MFSD2A: variants seen among roughly 807,000 people sequenced by gnomAD.
MFSD2A encodes MFSD2 lysolipid transporter A, lysophospholipid.
Under a neutral mutation model 64.7 loss-of-function variants are expected in MFSD2A, and 27 were observed. That is an observed-to-expected ratio of 0.42 (90% CI 0.31 to 0.58). The LOEUF (loss-of-function observed/expected upper bound fraction) is 0.58. Ranked by LOEUF, MFSD2A falls within the 20% of genes least tolerant of loss-of-function variation. The pLI is 0.18. For synonymous variants in MFSD2A, 258 were observed against 273.4 expected, an observed-to-expected ratio of 0.94 and a Z score of 0.55; for missense variants, 474 against 679.5, an observed-to-expected ratio of 0.70 and a Z score of 3.36.
At position 39,968,109 on chromosome 1, in the gene MFSD2A, A is replaced by C. The variant is rs1413437032; in HGVS notation, c.1208+193A>C. The stretch of plus-strand genomic sequence containing the variant: ...CAAGAACACCTAGTCAGAGTGAAAA[A>C]TGGGGGCTGTAATCTGGCCTGGGCT... On this transcript the variant is annotated intron_variant, in intron 11 of 13. Transcript: ENST00000372811. The surrounding 1 kb of genome is among the most constrained non-coding windows in gnomAD (Gnocchi z 4.4). 1.1e-5 allele frequency: 7 copies of C among 649,018 alleles called. No individual in the cohort carries two copies. In the East Asian group the frequency reaches 1.9e-4, roughly 18 times the overall value. The allele number at this position is 649,018 out of a possible 1,614,324, so 40.2% of individuals were successfully genotyped here.
chr1:39,957,227 T>C lies in MFSD2A; in HGVS notation c.228+6T>C. ...ACCTATTGGATGTGGCTCAGGTGAGTGGTCTAAGCCTTCGAGGGCTCCTTC... is the reference window on the plus strand; with the variant it reads ...ACCTATTGGATGTGGCTCAGGTGAGCGGTCTAAGCCTTCGAGGGCTCCTTC... On this transcript the variant is annotated splice_donor_region_variant and intron_variant, in intron 2 of 13. Coordinates refer to ENST00000372811, the MANE Select transcript of MFSD2A (RefSeq NM_032793.5). 6.3e-7 allele frequency: 1 copy of C among 1,577,584 alleles called. No homozygotes were observed. Among genetic ancestry groups the C allele is most frequent in the Non-Finnish European group, 8.6e-7 (1 of 1,161,270 alleles).
At chr1:39,967,200 C>A in intron 9 of MFSD2A, 31 bp downstream of exon 9, 1 of 1,595,786 alleles carries the variant, frequency 6.3e-7, no homozygotes, top group Non-Finnish European at 8.6e-7. Context: ...GGCGGGCAGC[C>A]TGGGCTGAGG....
chr1:39,958,749 G>A lies in MFSD2A; in HGVS notation c.277G>A (p.Asp93Asn). 1 of 1,614,100 alleles carries A rather than the reference G, an allele frequency of 6.2e-7. No homozygotes were observed. Among genetic ancestry groups the A allele is most frequent in the African/African-American group, 1.3e-5 (1 of 75,038 alleles). Residue 93 changes from aspartate (D) to asparagine (N), a missense_variant, in exon 3 of 14, where the codon GAT becomes AAT. By Grantham distance (23) the Asp-to-Asn change is conservative. Transcript: ENST00000372811. This position sits in a 1 kb window ranked among gnomAD's most constrained non-coding sequence, Gnocchi z 4.7. ...SIILFVGRAWDAITDPLVGLC... is the reference protein window; with the variant it reads ...SIILFVGRAWNAITDPLVGLC... The stretch of plus-strand genomic sequence containing the variant: ...CATCCTGTTTGTGGGCCGAGCCTGG[G>A]ATGCCATCACAGACCCCCTGGTGGG...
In MFSD2A at chr1:39,960,170, C is replaced by T. The variant is rs113636691; in HGVS notation, c.353+1345C>T. Among the ~76,000 whole-genome samples the T allele has an allele frequency of 7.9e-5, 12 of 152,350 alleles. No individual in the cohort carries two copies. The highest frequency in any genetic ancestry group is 1.9e-4 in the African/African-American group (8 of 41,582). On this transcript the variant is annotated intron_variant, in intron 3 of 13. Transcript: ENST00000372811. This position sits in a 1 kb window ranked among gnomAD's most constrained non-coding sequence, Gnocchi z 4.8. ...GGATCGGATCAGACGGCAGGGGAGA[C>T]GCACAGGATAGGCTGTCAGGCGGGG...
chr1:39,965,360 GTC>G lies in MFSD2A; in HGVS notation c.477+30_477+31del. 6.2e-7 allele frequency: 1 copy of G among 1,613,832 alleles called. No individual in the cohort carries two copies. The highest frequency in any genetic ancestry group is 8.5e-7 in the Non-Finnish European group (1 of 1,179,900). On this transcript the variant is annotated intron_variant, in intron 4 of 13. Transcript: ENST00000372811. This position sits in a 1 kb window ranked among gnomAD's most constrained non-coding sequence, Gnocchi z 5.5. ...GTGAGTGTGGGTACCTCCCTTGGGTGTCTCTAGGGGCCGGGAGGAGGGCGGTC... is the reference window on the plus strand; with the variant it reads ...GTGAGTGTGGGTACCTCCCTTGGGTGTCTAGGGGCCGGGAGGAGGGCGGTC...
Position 39,958,425 on chromosome 1 carries a change from G to T in MFSD2A, c.229-276G>T, listed in dbSNP as rs1644971913. 6.6e-6 allele frequency among the ~76,000 whole-genome samples: 1 copy of T among 152,160 alleles called. No homozygotes were observed. Among genetic ancestry groups the T allele is most frequent in the African/African-American group, 2.4e-5 (1 of 41,434 alleles). ...GAAGGAAATGTTTGTGGATTCATTTGAATTGATGGGAATGTTTTCAAGGGC... is the reference window on the plus strand; with the variant it reads ...GAAGGAAATGTTTGTGGATTCATTTTAATTGATGGGAATGTTTTCAAGGGC... On this transcript the variant is annotated intron_variant, in intron 2 of 13. Transcript: ENST00000372811. This position sits in a 1 kb window ranked among gnomAD's most constrained non-coding sequence, Gnocchi z 4.7.
rs144708707 is a variant in MFSD2A, at chr1:39,965,236, G to A, written c.379G>A (p.Val127Ile). The A allele has an allele frequency of 7.7e-5, 125 of 1,614,006 alleles. No homozygotes were observed. The highest frequency in any genetic ancestry group is 5.6e-4 in the African/African-American group (42 of 74,902). ...PWIIFSTPLA[V>I]IAYFLIWFVP... is the part of the protein sequence containing the mutation. Reference sequence around the variant, plus strand: ...GATCATCTTCTCCACGCCCCTGGCCGTCATTGCCTACTTCCTCATCTGGTT... The same window carrying A: ...GATCATCTTCTCCACGCCCCTGGCCATCATTGCCTACTTCCTCATCTGGTT... Residue 127 changes from valine (V) to isoleucine (I), a missense_variant, in exon 4 of 14, where the codon GTC (valine) becomes ATC (isoleucine). By Grantham distance (29) the Val-to-Ile change is conservative (BLOSUM62 3). Transcript: ENST00000372811. This position sits in a 1 kb window ranked among gnomAD's most constrained non-coding sequence, Gnocchi z 5.5.
Position 39,960,927 on chromosome 1 carries a change from G to A in MFSD2A, c.353+2102G>A, listed in dbSNP as rs1645025531. The stretch of plus-strand genomic sequence containing the variant: ...TGGTGGTGCCTGTGTATGCCTGCAC[G>A]CGGGATGGCTCGTGGGCTGAAGGCT... On this transcript the variant is annotated intron_variant, in intron 3 of 13. Coordinates refer to ENST00000372811, the MANE Select transcript of MFSD2A (RefSeq NM_032793.5). The surrounding 1 kb of genome is among the most constrained non-coding windows in gnomAD (Gnocchi z 4.8). Among the ~76,000 whole-genome samples, 2 of 152,170 alleles carry A rather than the reference G, an allele frequency of 1.3e-5. No individual in the cohort carries two copies. The highest frequency in any genetic ancestry group is 2.1e-4 in the South Asian group (1 of 4,828).
Position 39,960,158 on chromosome 1 carries a change from C to T in MFSD2A, c.353+1333C>T, listed in dbSNP as rs946008806. Among the ~76,000 whole-genome samples, 5 of 152,370 alleles carry T rather than the reference C, an allele frequency of 3.3e-5. No individual in the cohort carries two copies. The highest frequency in any genetic ancestry group is 9.6e-5 in the African/African-American group (4 of 41,600). On this transcript the variant is annotated intron_variant, in intron 3 of 13. Transcript: ENST00000372811. The surrounding 1 kb of genome is among the most constrained non-coding windows in gnomAD (Gnocchi z 4.8). The stretch of plus-strand genomic sequence containing the variant: ...AGGTGGTGCCACGGATCGGATCAGA[C>T]GGCAGGGGAGACGCACAGGATAGGC...
Position 39,965,839 on chromosome 1 carries a change from C to T in MFSD2A, c.557-18C>T, listed in dbSNP as rs1557637239. The T allele has an allele frequency of 1.2e-6, 2 of 1,613,020 alleles. No homozygotes were observed. ...AATCCATGAGGCCCCTCCAAAACACCTCCTTTTCTCCTGCCAGGGATGACT... is the reference window on the plus strand; with the variant it reads ...AATCCATGAGGCCCCTCCAAAACACTTCCTTTTCTCCTGCCAGGGATGACT... On this transcript the variant is annotated intron_variant, in intron 5 of 13. Transcript: ENST00000372811. This position sits in a 1 kb window ranked among gnomAD's most constrained non-coding sequence, Gnocchi z 5.5.
intron 3 of MFSD2A, among the ~76,000 whole-genome samples, chr1:39,961,957 C>G (rs1352841616): frequency 1.3e-5 from 2 of 152,262 alleles, no homozygotes; most frequent in Non-Finnish European, 2.9e-5. Flanking sequence ...TACAGCTCCC[C>G]TGGTGTGGCC....
At chr1:39,967,214 CAT>C in intron 9 of MFSD2A, 45 bp downstream of exon 9, 1 of 1,543,150 alleles carries the variant, frequency 6.5e-7, no homozygotes, top group Non-Finnish European at 8.9e-7. Flanking sequence ...GCTGAGGTGA[CAT>C]AGGCTGTGGA....
At position 39,964,813 on chromosome 1, in the gene MFSD2A, TG is replaced by T. The variant is rs1645122215; in HGVS notation, c.354-394del. On this transcript the variant is annotated intron_variant, in intron 3 of 13. Coordinates refer to ENST00000372811, the MANE Select transcript of MFSD2A (RefSeq NM_032793.5). The surrounding 1 kb of genome is among the most constrained non-coding windows in gnomAD (Gnocchi z 4.1). Reference sequence around the variant, plus strand: ...TGTGTGAATGGGGTGTGTGTGTGAATGGGGTGTGTGTGTGCGGTTGATGACT... The same window carrying T: ...TGTGTGAATGGGGTGTGTGTGTGAATGGGTGTGTGTGTGCGGTTGATGACT... 4.4e-6 allele frequency: 1 copy of T among 228,764 alleles called. No homozygotes were observed. The highest frequency in any genetic ancestry group is 8.8e-6 in the Non-Finnish European group (1 of 113,950). The allele number at this position is 228,764 out of a possible 1,614,324, so 14.2% of individuals were successfully genotyped here.
Position 39,955,689 on chromosome 1 carries a change from T to A in MFSD2A, c.93+304T>A, listed in dbSNP as rs1644911042. 1.6e-6 allele frequency: 1 copy of A among 609,252 alleles called. No individual in the cohort carries two copies. Among genetic ancestry groups the A allele is most frequent in the Non-Finnish European group, 3.1e-6 (1 of 325,494 alleles). 37.7% of individuals were successfully genotyped at this position (609,252 alleles called of 1,614,324 possible). A position where few individuals can be genotyped will look rare whatever the true frequency, so the allele number is the denominator to read the frequency against. On this transcript the variant is annotated intron_variant, in intron 1 of 13. Coordinates refer to ENST00000372811, the MANE Select transcript of MFSD2A (RefSeq NM_032793.5). This position sits in a 1 kb window ranked among gnomAD's most constrained non-coding sequence, Gnocchi z 5.9. ...TTCTTCCGTGTTGAGCGGCTGGGGC[T>A]TGCCGCCCCAAACCCCAGAGATGAC...
At position 39,957,095 on chromosome 1, in the gene MFSD2A, G is replaced by T; in HGVS notation, c.102G>T (p.Pro34=). The T allele has an allele frequency of 6.2e-7, 1 of 1,613,996 alleles. No individual in the cohort carries two copies. The highest frequency in any genetic ancestry group is 1.7e-5 in the Admixed American group (1 of 59,988). The change falls in exon 2 of 14, where the codon CCG becomes CCT. Residue 34 remains proline (P), a synonymous_variant. Transcript: ENST00000372811. ...TTTCCTCCTCTTCCCAGAAAGAACC[G>T]AAAAAGAAGAAACAACAGTTGTCTG... The part of the protein sequence containing the change: ...TERPAQVKKE[P]KKKKQQLSVC...
chr1:39,969,612 A>C lies in MFSD2A; in HGVS notation c.*44A>C, dbSNP rs1233752716. ...AAGCCACCATGCAGAAGGCCACAGAAGGGATCAGGACCTGTCTGCCGGCTT... is the reference window on the plus strand; with the variant it reads ...AAGCCACCATGCAGAAGGCCACAGACGGGATCAGGACCTGTCTGCCGGCTT... On this transcript the variant is annotated 3_prime_UTR_variant, in exon 14 of 14. Coordinates refer to ENST00000372811, the MANE Select transcript of MFSD2A (RefSeq NM_032793.5). 6.3e-7 allele frequency: 1 copy of C among 1,576,404 alleles called. No homozygotes were observed. The highest frequency in any genetic ancestry group is 1.1e-5 in the South Asian group (1 of 88,388).
In MFSD2A at chr1:39,968,712, G is replaced by A. The variant is rs772407211; in HGVS notation, c.1496G>A (p.Arg499Gln). The change falls in exon 13 of 14, where the codon CGG becomes CAG. Residue 499 changes from arginine to glutamine, a missense_variant. By Grantham distance (43) the Arg-to-Gln change is conservative. Coordinates refer to ENST00000372811, the MANE Select transcript of MFSD2A (RefSeq NM_032793.5). This position sits in a 1 kb window ranked among gnomAD's most constrained non-coding sequence, Gnocchi z 4.4. ...FKMYPIDEER[R>Q]RQNKKALQAL... ...ATGTACCCCATTGATGAGGAGAGGC[G>A]GCGGCAGAATAAGAAGGCCCTGCAG... 4.5e-5 allele frequency: 72 copies of A among 1,614,036 alleles called. No homozygotes were observed. Among genetic ancestry groups the A allele is most frequent in the Non-Finnish European group, 4.7e-5 (56 of 1,180,024 alleles).
At chr1:39,966,570 A>G (rs1329633488) in intron 6 of MFSD2A, 31 bp from the exon 7 acceptor site, 1 of 1,582,716 alleles carries the variant, frequency 6.3e-7, no homozygotes. Context: ...CAAACTGACC[A>G]TCCTTGTATG....
Position 39,965,854 on chromosome 1 carries a change from C to T in MFSD2A, c.557-3C>T, listed in dbSNP as rs766911110. 9.9e-6 allele frequency: 16 copies of T among 1,613,594 alleles called. No individual in the cohort carries two copies. The South Asian group carries it at 1.6e-4, about 17-fold the overall frequency. On this transcript the variant is annotated splice_region_variant and splice_polypyrimidine_tract_variant and intron_variant, in intron 5 of 13. Transcript: ENST00000372811. This position sits in a 1 kb window ranked among gnomAD's most constrained non-coding sequence, Gnocchi z 5.5. Reference sequence around the variant, plus strand: ...TCCAAAACACCTCCTTTTCTCCTGCCAGGGATGACTGTGGAAGTGCTGGGC... The same window carrying T: ...TCCAAAACACCTCCTTTTCTCCTGCTAGGGATGACTGTGGAAGTGCTGGGC...
Sources: allele counts gnomAD v4.1 joint callset (sites outside exome capture counted in the v4.1 genomes callset), GRCh38; gene constraint gnomAD v4.1.1; non-coding constraint Gnocchi (gnomAD v3.1); transcripts MANE v1.5; gene names NCBI Gene and HGNC (gene_info 2026-07-23, HGNC 2026-07-21).